The following FAM20B variants were observed in gnomAD, a reference collection of about 807,000 sequenced individuals.
FAM20B encodes FAM20B glycosaminoglycan xylosylkinase, also known as glycosaminoglycan xylosylkinase.
Under a neutral mutation model 43.8 loss-of-function variants are expected in FAM20B, and 23 were observed. That is an observed-to-expected ratio of 0.53 (90% CI 0.38 to 0.74). FAM20B has a LOEUF of 0.74. Ranked by LOEUF, FAM20B falls within the 30% of genes least tolerant of loss-of-function variation. The pLI, the probability that FAM20B is intolerant of heterozygous loss-of-function variation, is 0.00. For missense variants in FAM20B, 440 were observed against 510.5 expected (o/e 0.86, Z 1.33); for synonymous variants, 178 against 192.4 (o/e 0.93, Z 0.62).
chr1:179,065,998 G>A (rs770669067), intron 6 of FAM20B, among the ~76,000 whole-genome samples: 15 of 152,108 alleles, frequency 9.9e-5, no homozygotes, highest in Non-Finnish European at 1.8e-4. Context: ...GTTCATGTGG[G>A]CTCTTCCCTC....
intron 2 of FAM20B, among the ~76,000 whole-genome samples, chr1:179,049,778 G>T (rs1315266969): frequency 6.6e-6 from 1 of 152,216 alleles, no homozygotes; most frequent in African/African-American, 2.4e-5. Flanking sequence ...CCGACCTCAG[G>T]TGATCCACCC....
intron 3 of FAM20B, among the ~76,000 whole-genome samples, chr1:179,051,607 A>G (rs1269470441): frequency 2.0e-5 from 3 of 152,276 alleles, no homozygotes; most frequent in South Asian, 4.1e-4. Flanking sequence ...AGCCTGAGCA[A>G]CAGAGTGGGA....
chr1:179,027,713 C>A (rs1279489525), intron 1 of FAM20B, among the ~76,000 whole-genome samples: 1 of 152,198 alleles, frequency 6.6e-6, no homozygotes, highest in Non-Finnish European at 1.5e-5. Flanking sequence ...TTGGAGTTCA[C>A]AGCGTTTCTT....
intron 1 of FAM20B, among the ~76,000 whole-genome samples, chr1:179,039,929 T>C (rs955528846): frequency 6.6e-6 from 1 of 152,090 alleles, no homozygotes; most frequent in Non-Finnish European, 1.5e-5. Context: ...GGAGTGGTGA[T>C]GACTCTTAAC....
chr1:179,056,445 C>T (rs1651223631), intron 4 of FAM20B, among the ~76,000 whole-genome samples: 1 of 152,140 alleles, frequency 6.6e-6, no homozygotes, highest in Non-Finnish European at 1.5e-5. Context: ...TTTAAGATTC[C>T]TCCATGTCTT....
At chr1:179,062,014 CT>C (rs72100571) in intron 4 of FAM20B, among the ~76,000 whole-genome samples, 6 of 146,456 alleles carry the variant, frequency 4.1e-5, no homozygotes, top group Non-Finnish European at 7.6e-5. Flanking sequence ...ACCCTAGTTC[CT>C]TTTTTTTTTG....
chr1:179,047,458 A>G (rs1650819836), intron 2 of FAM20B, among the ~76,000 whole-genome samples: 1 of 152,022 alleles, frequency 6.6e-6, no homozygotes, highest in African/African-American at 2.4e-5. Flanking sequence ...CTCTATACTC[A>G]GCCTTATCTT....
chr1:179,057,801 A>G (rs1243924957), intron 4 of FAM20B, among the ~76,000 whole-genome samples: 1 of 151,182 alleles, frequency 6.6e-6, no homozygotes, highest in Non-Finnish European at 1.5e-5. Context: ...CGGGAGCCAG[A>G]CATGTACAAA....
chr1:179,049,121 TTCTA>T, intron 2 of FAM20B, among the ~76,000 whole-genome samples: 1 of 152,246 alleles, frequency 6.6e-6, no homozygotes, highest in Middle Eastern at 3.2e-3. Flanking sequence ...CAGATTTAAA[TTCTA>T]TCTTTTAAAA....
In FAM20B at chr1:179,039,250, T is replaced by G. The variant is rs115238825; in HGVS notation, c.-133-4465T>G. On this transcript the variant is annotated intron_variant, in intron 1 of 7. Coordinates refer to ENST00000263733, the MANE Select transcript of FAM20B (RefSeq NM_014864.4). ...CTGTGCATGTTTTTAAATGGCCTTA[T>G]GGAGTAGAAAGCAACCTCTCAGGAT... Among the ~76,000 whole-genome samples, 378 of 152,340 alleles carry G rather than the reference T, an allele frequency of 2.5e-3. 5 individuals are homozygous for G. The highest frequency in any genetic ancestry group is 8.8e-3 in the African/African-American group (368 of 41,582).
At chr1:179,067,800 G>A (rs904107803) in intron 7 of FAM20B, among the ~76,000 whole-genome samples, 22 of 151,994 alleles carry the variant, frequency 1.4e-4, no homozygotes, top group Non-Finnish European at 1.6e-4. Flanking sequence ...GTCTGCATCT[G>A]TCACCCAGGT....
chr1:179,041,458 A>G (rs1354491902), intron 1 of FAM20B, among the ~76,000 whole-genome samples: 1 of 152,172 alleles, frequency 6.6e-6, no homozygotes, highest in Admixed American at 6.5e-5. Flanking sequence ...GCTGGAGACC[A>G]GCCCGGCCAA....
chr1:179,042,087 G>T lies in FAM20B; in HGVS notation c.-133-1628G>T, dbSNP rs1028075133. Among the ~76,000 whole-genome samples, 3 of 152,200 alleles carry T rather than the reference G, an allele frequency of 2.0e-5. No individual in the cohort carries two copies. The East Asian group carries it at 5.8e-4, about 29-fold the overall frequency. ...GGATCCTTGGGGTGTCACTTTGCCAGTGAGAAACCTCTGTGGCCGTGGTGC... is the reference window on the plus strand; with the variant it reads ...GGATCCTTGGGGTGTCACTTTGCCATTGAGAAACCTCTGTGGCCGTGGTGC... On this transcript the variant is annotated intron_variant, in intron 1 of 7. Coordinates refer to ENST00000263733, the MANE Select transcript of FAM20B (RefSeq NM_014864.4).
intron 1 of FAM20B, among the ~76,000 whole-genome samples, 192 bp from the exon 2 acceptor site, chr1:179,043,523 G>A (rs1650630731): frequency 6.6e-6 from 1 of 152,186 alleles, no homozygotes; most frequent in Non-Finnish European, 1.5e-5. Flanking sequence ...CTTCGCAGCA[G>A]CTGCTCCAGT....
Position 179,029,906 on chromosome 1 carries a change from C to T in FAM20B, c.-134+3808C>T, listed in dbSNP as rs1649937224. On this transcript the variant is annotated intron_variant, in intron 1 of 7. Transcript: ENST00000263733. ...TTGGTTATTATTACTAGCATACTGGCAGTAGTTGAGTGAGGCTATGAGATG... is the reference window on the plus strand; with the variant it reads ...TTGGTTATTATTACTAGCATACTGGTAGTAGTTGAGTGAGGCTATGAGATG... 3.9e-5 allele frequency among the ~76,000 whole-genome samples: 6 copies of T among 152,132 alleles called. No individual in the cohort carries two copies. The South Asian group carries it at 1.0e-3, about 26-fold the overall frequency.
chr1:179,062,904 C>A (rs544475877), intron 4 of FAM20B, among the ~76,000 whole-genome samples: 34 of 152,308 alleles, frequency 2.2e-4, no homozygotes, highest in South Asian at 8.3e-4. Context: ...AGTACATGAC[C>A]TCTTTTGCCC....
intron 6 of FAM20B, among the ~76,000 whole-genome samples, chr1:179,065,342 G>C (rs1305474889): frequency 1.3e-5 from 2 of 152,022 alleles, no homozygotes; most frequent in Non-Finnish European, 2.9e-5. Flanking sequence ...TCGCCATTTT[G>C]GCCAGGCTGG....
At chr1:179,059,896 C>T (rs1180152655) in intron 4 of FAM20B, among the ~76,000 whole-genome samples, 1 of 151,262 alleles carries the variant, frequency 6.6e-6, no homozygotes, top group Non-Finnish European at 1.5e-5. Context: ...CACTTGAACC[C>T]GGGAAGTGGA....
At chr1:179,041,419 C>A (rs574730583) in intron 1 of FAM20B, among the ~76,000 whole-genome samples, 4 of 152,032 alleles carry the variant, frequency 2.6e-5, no homozygotes, top group Non-Finnish European at 5.9e-5. Flanking sequence ...GTCTGGAGGC[C>A]GAGGCTGGCG....
Sources: gnomAD v4.1 joint callset for allele counts (sites outside exome capture counted in the v4.1 genomes callset) on GRCh38, gnomAD v4.1.1 for gene constraint, MANE v1.5 for transcripts, NCBI Gene and HGNC (gene_info 2026-07-23, HGNC 2026-07-21) for gene names.